Variants in CSMD1 observed in about 807,000 individuals in gnomAD.
CSMD1 encodes the protein CUB and sushi domain-containing protein 1.
Under a neutral mutation model 417.5 loss-of-function variants are expected in CSMD1, and 213 were observed. That is an observed-to-expected ratio of 0.51 (90% CI 0.46 to 0.57). The LOEUF is 0.57. Among genes scored for constraint, CSMD1 ranks in the 20% least tolerant of loss-of-function variants. The pLI is 0.00. For synonymous variants in CSMD1, 2,862 were observed against 1,736.8 expected, an observed-to-expected ratio of 1.65 and a Z score of -16.11; for missense variants, 6,923 against 4,529.7, an observed-to-expected ratio of 1.53 and a Z score of -15.17.
At chr8:4,325,768 C>A (rs1799523790) in intron 3 of CSMD1, among the ~76,000 whole-genome samples, 1 of 152,122 alleles carries the variant, frequency 6.6e-6, no homozygotes, top group Non-Finnish European at 1.5e-5. Context: ...GCACCCCTCT[C>A]CACTTCCCAT....
intron 1 of CSMD1, among the ~76,000 whole-genome samples, chr8:4,852,386 C>T (rs1209084891): frequency 6.6e-6 from 1 of 151,658 alleles, no homozygotes; most frequent in African/African-American, 2.4e-5. Context: ...GGCTCCTCTC[C>T]TCTCTCTCTC....
At chr8:4,905,504 C>G (rs1049058183) in intron 1 of CSMD1, among the ~76,000 whole-genome samples, 1 of 151,992 alleles carries the variant, frequency 6.6e-6, no homozygotes, top group Non-Finnish European at 1.5e-5. Flanking sequence ...CATCTATTCC[C>G]TATCATCACT....
intron 23 of CSMD1, among the ~76,000 whole-genome samples, chr8:3,343,030 A>C (rs1048264012): frequency 3.3e-5 from 5 of 152,172 alleles, no homozygotes; most frequent in Non-Finnish European, 1.5e-5. Context: ...ATTTAAGCCC[A>C]TCAGATCTAA....
intron 3 of CSMD1, among the ~76,000 whole-genome samples, chr8:4,319,331 A>T (rs981606721): frequency 2.0e-5 from 3 of 152,120 alleles, no homozygotes; most frequent in African/African-American, 7.2e-5. Flanking sequence ...AAGTCTTAGC[A>T]TATTATGATT....
At position 3,729,983 on chromosome 8, in the gene CSMD1, A is replaced by C. The variant is rs1802743248; in HGVS notation, c.932-21492T>G. Reference sequence around the variant, plus strand: ...AAAACAAAAACAGAAGAACGGATACATAATAATGTTTCAAAAAGTTCAGAG... The same window carrying C: ...AAAACAAAAACAGAAGAACGGATACCTAATAATGTTTCAAAAAGTTCAGAG... On this transcript the variant is annotated intron_variant, in intron 6 of 69. Transcript: ENST00000635120. Among the ~76,000 whole-genome samples the C allele has an allele frequency of 1.4e-5, 2 of 145,990 alleles. 1 individual carries two copies. The highest frequency in any genetic ancestry group is 3.0e-5 in the Non-Finnish European group (2 of 66,760).
intron 10 of CSMD1, among the ~76,000 whole-genome samples, chr8:3,565,160 AGAG>A (rs1321137688): frequency 7.7e-6 from 1 of 129,530 alleles, no homozygotes; most frequent in African/African-American, 2.9e-5. Context: ...AAAAAAAAAA[AGAG>A]AGAGATCAAG....
chr8:4,006,820 C>G (rs898220677), intron 4 of CSMD1, among the ~76,000 whole-genome samples: 7 of 124,866 alleles, frequency 5.6e-5, no homozygotes, highest in Non-Finnish European at 9.7e-5. Flanking sequence ...CAGGACTTTT[C>G]CTATTTTTTT....
At chr8:3,397,415 G>T (rs1413427735) in intron 16 of CSMD1, among the ~76,000 whole-genome samples, 1 of 152,146 alleles carries the variant, frequency 6.6e-6, no homozygotes, top group African/African-American at 2.4e-5. Context: ...TTAGATCATG[G>T]ATACACTGAT....
intron 1 of CSMD1, among the ~76,000 whole-genome samples, chr8:4,751,599 A>C (rs1179047144): frequency 1.3e-5 from 2 of 152,200 alleles, no homozygotes; most frequent in East Asian, 3.8e-4. Context: ...AACAGAGTTT[A>C]TTCAGGATAA....
Position 3,317,546 on chromosome 8 carries a change from G to C in CSMD1, c.3632-9043C>G, listed in dbSNP as rs140485768. Reference sequence around the variant, plus strand: ...TACTCACTTCTTTGTATAGCAAGGGGTGAATAGTTAAAAAATAAAAAGCCC... The same window carrying C: ...TACTCACTTCTTTGTATAGCAAGGGCTGAATAGTTAAAAAATAAAAAGCCC... On this transcript the variant is annotated intron_variant, in intron 23 of 69. Coordinates refer to ENST00000635120, the MANE Select transcript of CSMD1 (RefSeq NM_033225.6). Among the ~76,000 whole-genome samples the C allele has an allele frequency of 1.2e-3, 183 of 152,246 alleles. 1 individual carries two copies. The highest frequency in any genetic ancestry group is 4.2e-3 in the African/African-American group (174 of 41,542).
At chr8:4,689,226 T>C (rs1395499870) in intron 1 of CSMD1, among the ~76,000 whole-genome samples, 1 of 152,218 alleles carries the variant, frequency 6.6e-6, no homozygotes, top group Non-Finnish European at 1.5e-5. Context: ...GAGGTGATTT[T>C]GCATGTATTA....
intron 3 of CSMD1, 47 bp downstream of exon 3, chr8:4,419,906 A>T (rs576459127): frequency 2.5e-6 from 3 of 1,223,444 alleles, no homozygotes; most frequent in African/African-American, 1.5e-5. Context: ...CATGTATTAG[A>T]TCATTTGGAC....
chr8:3,741,248 G>C (rs374268147), intron 6 of CSMD1, among the ~76,000 whole-genome samples: 1,529 of 128,024 alleles, frequency 0.012, 45 homozygotes, highest in African/African-American at 0.043. Context: ...AAAACATACA[G>C]AAGAAGAAGG....
rs765346200 is a variant in CSMD1 at position 3,199,722 on chromosome 8, A to T, written c.5186T>A (p.Val1729Glu). The change falls in exon 33 of 70, where the codon GTG becomes GAG. Residue 1729 changes from valine to glutamate, a missense_variant. Transcript: ENST00000635120. ...SGASARGFHF[V>E]YQAVPRTSDT... The stretch of plus-strand genomic sequence containing the variant: ...TGTGGAGTGACGCTTACCTTGATAC[A>T]CGAAGTGGAAGCCGCGGGCAGAGGC... The T allele has an allele frequency of 1.5e-5, 24 of 1,583,858 alleles. No individual in the cohort carries two copies. Among genetic ancestry groups the T allele is most frequent in the Non-Finnish European group, 1.9e-5 (22 of 1,164,204 alleles).
intron 7 of CSMD1, among the ~76,000 whole-genome samples, chr8:3,677,512 G>C: frequency 6.6e-6 from 1 of 152,192 alleles, no homozygotes; most frequent in Non-Finnish European, 1.5e-5. Flanking sequence ...CACAGGGAAT[G>C]CCCAGGTGTC....
intron 1 of CSMD1, among the ~76,000 whole-genome samples, chr8:4,926,467 A>G (rs1249888423): frequency 1.3e-5 from 2 of 152,216 alleles, no homozygotes; most frequent in African/African-American, 2.4e-5. Flanking sequence ...AAGCTTTGGA[A>G]TTTCAAAACG....
chr8:3,781,914 A>G (rs943870493), intron 5 of CSMD1, among the ~76,000 whole-genome samples: 1 of 152,088 alleles, frequency 6.6e-6, no homozygotes, highest in Non-Finnish European at 1.5e-5. Flanking sequence ...TGGTAGACCC[A>G]TTTAATAAGA....
chr8:4,830,313 A>G lies in CSMD1; in HGVS notation c.85+164019T>C, dbSNP rs946715796. ...GGTTTCTATTTCCTTTCTTTTTCCT[A>G]CATTTCTCACTGCCAGCATCTACCA... On this transcript the variant is annotated intron_variant, in intron 1 of 69. Transcript: ENST00000635120. 2.6e-5 allele frequency among the ~76,000 whole-genome samples: 4 copies of G among 152,216 alleles called. No homozygotes were observed. In the East Asian group the frequency reaches 7.7e-4, roughly 29 times the overall value.
At chr8:3,118,995 A>C (rs1322906943) in intron 41 of CSMD1, among the ~76,000 whole-genome samples, 2 of 152,158 alleles carry the variant, frequency 1.3e-5, no homozygotes, top group African/African-American at 4.8e-5. Flanking sequence ...CCTGGCTAAC[A>C]CAGTAAAATC....
Sources: allele counts gnomAD v4.1 joint callset (sites outside exome capture counted in the v4.1 genomes callset), GRCh38; gene constraint gnomAD v4.1.1; transcripts MANE v1.5; gene names NCBI Gene and HGNC (gene_info 2026-07-23, HGNC 2026-07-21).